SLC27A3: variants seen among roughly 807,000 people sequenced by gnomAD.
SLC27A3 encodes the protein long-chain fatty acid transport protein 3.
SLC27A3 carries 60 observed loss-of-function variants against 60.1 expected under a neutral mutation model. The ratio of observed to expected loss-of-function variants is 1.00; its 90% CI spans 0.81 to 1.24. The LOEUF (loss-of-function observed/expected upper bound fraction) is 1.24, where lower values mean the gene tolerates loss of function less well. Among genes scored for constraint, SLC27A3 ranks in the 50% most tolerant of loss-of-function variants. SLC27A3 has a pLI of 0.00. For synonymous variants in SLC27A3, 455 were observed against 409.0 expected (o/e 1.11, Z -1.36); for missense variants, 1,079 against 929.9 (o/e 1.16, Z -2.09).
chr1:153,776,267 GCCGACTATC>G (rs1174706244), intron 1 of SLC27A3, 103 bp downstream of exon 1: 4 of 1,416,214 alleles, frequency 2.8e-6, no homozygotes, highest in Non-Finnish European at 3.7e-6. Context: ...CTGGGAAGAA[GCCGACTATC>G]CCTTGGGGTT....
chr1:153,776,674 C>G lies in SLC27A3; in HGVS notation c.824C>G (p.Ser275Cys). 1.2e-6 allele frequency: 2 copies of G among 1,614,048 alleles called. No individual in the cohort carries two copies. Among genetic ancestry groups the G allele is most frequent in the Non-Finnish European group, 1.7e-6 (2 of 1,179,972 alleles). ...GGGCCAGTGCCAGGATACCTCTCTT[C>G]CCCCCAGAGCATAACAGACACGTGC... ...VDGPVPGYLS[S>C]PQSITDTCLY... The change falls in exon 2 of 10, where the codon TCC (serine) becomes TGC (cysteine). Residue 275 changes from serine to cysteine, a missense_variant. By Grantham distance (112) the Ser-to-Cys change is moderately radical (BLOSUM62 -1). Transcript: ENST00000624995.
chr1:153,779,503 C>CACCCCATAT (rs766070536), intron 9 of SLC27A3, 30 bp downstream of exon 9: 2 of 1,604,010 alleles, frequency 1.2e-6, no homozygotes, highest in African/African-American at 2.7e-5. Flanking sequence ...GCCGGCCCCT[C>CACCCCATAT]ACCCCATATA....
chr1:153,778,136 C>T, intron 4 of SLC27A3, 25 bp from the exon 5 acceptor site: 1 of 1,585,908 alleles, frequency 6.3e-7, no homozygotes, highest in Non-Finnish European at 8.5e-7. Flanking sequence ...TGCTGAAGCT[C>T]CGGCCCCTCT....
At chr1:153,777,388 A>G (rs1156587412) in intron 3 of SLC27A3, 168 bp downstream of exon 3, 1 of 815,334 alleles carries the variant, frequency 1.2e-6, no homozygotes, top group African/African-American at 1.7e-5. Flanking sequence ...AGACCTACAG[A>G]CTGAGGAACG....
chr1:153,779,568 A>G (rs2101850676), intron 9 of SLC27A3, 95 bp downstream of exon 9: 4 of 1,418,888 alleles, frequency 2.8e-6, no homozygotes, highest in Non-Finnish European at 3.8e-6. Flanking sequence ...ATGGCTCCCA[A>G]ACTCCACAAA....
rs754003505 is a variant in SLC27A3 at position 153,778,359 on chromosome 1, A to G, written c.1356+4A>G. On this transcript the variant is annotated splice_donor_region_variant and intron_variant, in intron 5 of 9. Coordinates refer to ENST00000624995, the MANE Select transcript of SLC27A3 (RefSeq NM_024330.4). ...GCGTGCTTCCTGGCTTTACAAGGTG[A>G]GGGGCAGAGAGGAAACTGAAAACCC... The G allele has an allele frequency of 2.5e-6, 4 of 1,613,578 alleles. No individual in the cohort carries two copies. Among genetic ancestry groups the G allele is most frequent in the Non-Finnish European group, 3.4e-6 (4 of 1,179,730 alleles).
chr1:153,776,442 A>T, intron 1 of SLC27A3, 76 bp from the exon 2 acceptor site: 1 of 1,404,444 alleles, frequency 7.1e-7, no homozygotes, highest in Non-Finnish European at 9.7e-7. Flanking sequence ...GTGGGCTGGG[A>T]TAGGGAGGGG....
intron 8 of SLC27A3, 32 bp downstream of exon 8, chr1:153,779,243 C>T (rs374329195): frequency 4.3e-6 from 7 of 1,612,682 alleles, no homozygotes; most frequent in Non-Finnish European, 5.9e-6. Context: ...GGGAGGCACC[C>T]AGCCACCACC....
rs143908472 is a variant in SLC27A3, at chr1:153,778,243, G to A, written c.1244G>A (p.Arg415His). The A allele has an allele frequency of 1.4e-4, 220 of 1,614,014 alleles. No homozygotes were observed. In the East Asian group the frequency reaches 3.5e-3, roughly 26 times the overall value. Residue 415 changes from arginine (R) to histidine (H), a missense_variant, in exon 5 of 10, where the codon CGC becomes CAC. Arg to His is a conservative substitution (Grantham distance 29). Transcript: ENST00000624995. ...GATACCTGGGAGCGTTTTGTGCGGC[G>A]CTTCGGGCCCCTGCAGGTGCTGGAG... ...RPDTWERFVR[R>H]FGPLQVLETY...
rs141719182 is a variant in SLC27A3 at position 153,779,274 on chromosome 1, C to T, written c.1744+63C>T. The T allele has an allele frequency of 4.5e-3, 7,244 of 1,613,540 alleles. 20 individuals carry two copies. Among genetic ancestry groups the T allele is most frequent in the Non-Finnish European group, 5.6e-3 (6,636 of 1,179,560 alleles). On this transcript the variant is annotated intron_variant, in intron 8 of 9. Coordinates refer to ENST00000624995, the MANE Select transcript of SLC27A3 (RefSeq NM_024330.4). ...CCACCCCGAATTGGTAGTACTTGGGCGCAGGGAGCACGAGGCCTTCGTGGT... is the reference window on the plus strand; with the variant it reads ...CCACCCCGAATTGGTAGTACTTGGGTGCAGGGAGCACGAGGCCTTCGTGGT...
At chr1:153,779,578 A>G (rs1476621232) in intron 9 of SLC27A3, 105 bp downstream of exon 9, 11 of 1,329,820 alleles carry the variant, frequency 8.3e-6, no homozygotes, top group Non-Finnish European at 1.1e-5. Flanking sequence ...AACTCCACAA[A>G]GGGACCCCCA....
Position 153,778,385 on chromosome 1 carries a change from G to A in SLC27A3, c.1356+30G>A, listed in dbSNP as rs193057613. ...GGGGCAGAGAGGAAACTGAAAACCC[G>A]TGGAACAGCAGAGGGCTGGCAGGAG... On this transcript the variant is annotated intron_variant, in intron 5 of 9. Transcript: ENST00000624995. 2,110 of 1,613,858 alleles carry A rather than the reference G, an allele frequency of 1.3e-3. 6 individuals carry two copies. Among genetic ancestry groups the A allele is most frequent in the Non-Finnish European group, 8.5e-4 (1,002 of 1,179,764 alleles).
chr1:153,779,145 G>A lies in SLC27A3; in HGVS notation c.1678G>A (p.Val560Met), dbSNP rs766408586. ...GGGGGAGAATGTGGCCACAACCGAG[G>A]TGGCAGAGGTCTTCGAGGCCCTAGA... is the stretch of plus-strand genomic sequence containing the variant. ...WKGENVATTE[V>M]AEVFEALDFL... The change falls in exon 8 of 10, where the codon GTG (valine) becomes ATG (methionine). Residue 560 changes from valine (V) to methionine (M), a missense_variant. Coordinates refer to ENST00000624995, the MANE Select transcript of SLC27A3 (RefSeq NM_024330.4). 50 of 1,614,068 alleles carry A rather than the reference G, an allele frequency of 3.1e-5. No homozygotes were observed. Among genetic ancestry groups the A allele is most frequent in the Admixed American group, 3.3e-5 (2 of 60,004 alleles).
At chr1:153,779,499 C>CCCTCACCCCATATAT (rs762573630) in intron 9 of SLC27A3, 26 bp downstream of exon 9, 5 of 1,605,750 alleles carry the variant, frequency 3.1e-6, no homozygotes, top group Middle Eastern at 1.7e-4. Context: ...CCCCGCCGGC[C>CCCTCACCCCATATAT]CCTCACCCCA....
Position 153,778,291 on chromosome 1 carries a change from A to G in SLC27A3, c.1292A>G (p.Asn431Ser). ...GAGACATATGGACTGACAGAGGGCA[A>G]CGTGGCCACCATCAACTACACAGGA... Reference protein sequence around the residue: ...VLETYGLTEGNVATINYTGQR... With the variant: ...VLETYGLTEGSVATINYTGQR... Residue 431 changes from asparagine to serine, a missense_variant, in exon 5 of 10, where the codon AAC (asparagine) becomes AGC (serine). Asn to Ser is a conservative substitution (Grantham distance 46). Coordinates refer to ENST00000624995, the MANE Select transcript of SLC27A3 (RefSeq NM_024330.4). The G allele has an allele frequency of 6.2e-7, 1 of 1,614,158 alleles. No homozygotes were observed. Among genetic ancestry groups the G allele is most frequent in the Non-Finnish European group, 8.5e-7 (1 of 1,180,014 alleles).
Position 153,780,134 on chromosome 1 carries a change from T to A in SLC27A3, c.*132T>A. 1.3e-6 allele frequency: 1 copy of A among 773,750 alleles called. No homozygotes were observed. Among genetic ancestry groups the A allele is most frequent in the Non-Finnish European group, 2.0e-6 (1 of 491,840 alleles). The allele number at this position is 773,750 out of a possible 1,614,324, so 47.9% of individuals were successfully genotyped here. On this transcript the variant is annotated 3_prime_UTR_variant, in exon 10 of 10. Transcript: ENST00000624995. ...ATTTTGTAATAAATGTGGCTGGAGC[T>A]GATCCAGCTGTCTCTGACCTACAGT...
rs755936017 is a variant in SLC27A3 at position 153,775,934 on chromosome 1, C to T, written c.437C>T (p.Ala146Val). The change falls in exon 1 of 10, where the codon GCG becomes GTG. Residue 146 changes from alanine to valine, a missense_variant. Coordinates refer to ENST00000624995, the MANE Select transcript of SLC27A3 (RefSeq NM_024330.4). ...GAGDAAAGSG[A>V]EFAGGDGAAR... ...GGAGATGCAGCGGCCGGAAGCGGCG[C>T]GGAGTTTGCCGGAGGGGACGGTGCC... is the stretch of plus-strand genomic sequence containing the variant. 32 of 1,452,798 alleles carry T rather than the reference C, an allele frequency of 2.2e-5. No individual in the cohort carries two copies. The South Asian group carries it at 2.9e-4, about 13-fold the overall frequency. The allele number at this position is 1,452,798 out of a possible 1,614,324, so 90.0% of individuals were successfully genotyped here.
chr1:153,777,953 A>G, intron 4 of SLC27A3, 68 bp downstream of exon 4: 1 of 1,603,306 alleles, frequency 6.2e-7, no homozygotes, highest in Non-Finnish European at 8.5e-7. Flanking sequence ...AGGACAGTTG[A>G]CAGGAGACAG....
intron 9 of SLC27A3, 63 bp from the exon 10 acceptor site, chr1:153,779,763 A>G (rs1252696647): frequency 3.1e-5 from 46 of 1,494,432 alleles, no homozygotes; most frequent in Non-Finnish European, 3.9e-5. Flanking sequence ...AATTCAGGCA[A>G]CTCCCCTGAA....
Sources: allele counts gnomAD v4.1 joint callset, GRCh38; gene constraint gnomAD v4.1.1; transcripts MANE v1.5; gene names NCBI Gene and HGNC (gene_info 2026-07-23, HGNC 2026-07-21).